PRR5: variants seen among roughly 807,000 people sequenced by gnomAD.
PRR5 encodes the protein proline rich 5, also known as proline-rich protein 5.
PRR5 carries 25 observed loss-of-function variants against 30.6 expected under a neutral mutation model. The observed-to-expected ratio is 0.82, with a 90% CI of 0.60 to 1.14. The LOEUF (loss-of-function observed/expected upper bound fraction) is 1.14. PRR5 is among the 50% of genes most tolerant of loss of function. PRR5 has a pLI of 0.00. For missense variants in PRR5, 600 were observed against 547.1 expected, an observed-to-expected ratio of 1.10 and a Z score of -0.96; for synonymous variants, 286 against 247.1, an observed-to-expected ratio of 1.16 and a Z score of -1.48.
At chr22:44,678,324 C>CTT (rs113676116) in intron 1 of PRR5, among the ~76,000 whole-genome samples, 71 of 130,638 alleles carry the variant, frequency 5.4e-4, no homozygotes, top group East Asian at 1.9e-3. Flanking sequence ...TCTGCTGGCT[C>CTT]TTTTTTTTTT....
intron 1 of PRR5, among the ~76,000 whole-genome samples, chr22:44,694,956 A>G (rs1409343432): frequency 3.9e-5 from 6 of 152,118 alleles, no homozygotes; most frequent in Admixed American, 3.9e-4. Context: ...TGATCACTTG[A>G]GGTCCGGAGT....
At chr22:44,727,444 A>AC (rs898750527) in intron 4 of PRR5, among the ~76,000 whole-genome samples, 2 of 152,154 alleles carry the variant, frequency 1.3e-5, no homozygotes, top group Admixed American at 1.3e-4. Context: ...TGCACTAGGC[A>AC]CCGGGTGTGT....
chr22:44,708,013 G>T (rs1479522140), intron 1 of PRR5, among the ~76,000 whole-genome samples: 1 of 152,082 alleles, frequency 6.6e-6, no homozygotes, highest in Non-Finnish European at 1.5e-5. Context: ...CACCTCCAAG[G>T]CTAGGGTGAC....
At chr22:44,698,529 A>G (rs940740260), upstream of PRR5, among the ~76,000 whole-genome samples, 1 of 151,460 alleles carries the variant, frequency 6.6e-6, no homozygotes, top group African/African-American at 2.4e-5. Flanking sequence ...TGCCCAGGGT[A>G]CCCCGCCACA....
intron 2 of PRR5, among the ~76,000 whole-genome samples, chr22:44,715,517 C>T (rs975824893): frequency 1.3e-5 from 2 of 152,266 alleles, no homozygotes; most frequent in East Asian, 1.9e-4. Flanking sequence ...CAATACATGC[C>T]GCTTGTTCAG....
At position 44,723,059 on chromosome 22, in the gene PRR5, C is replaced by T. The variant is rs572676652; in HGVS notation, c.216-2185C>T. On this transcript the variant is annotated intron_variant, in intron 2 of 7. Transcript: ENST00000336985. Reference sequence around the variant, plus strand: ...GGAGTGCAGTGGTGCGATCTCAGCCCGCTGCAACCTCCGCCTCCCGAGTTC... The same window carrying T: ...GGAGTGCAGTGGTGCGATCTCAGCCTGCTGCAACCTCCGCCTCCCGAGTTC... Among the ~76,000 whole-genome samples, 8 of 151,884 alleles carry T rather than the reference C, an allele frequency of 5.3e-5. No individual in the cohort carries two copies. In the East Asian group the frequency reaches 9.7e-4, roughly 18 times the overall value.
chr22:44,700,781 T>C (rs1460630493), upstream of PRR5, among the ~76,000 whole-genome samples: 9 of 152,184 alleles, frequency 5.9e-5, no homozygotes, highest in South Asian at 2.1e-4. Flanking sequence ...AAGACGATGG[T>C]ATTTATGTCT....
intron 1 of PRR5, among the ~76,000 whole-genome samples, chr22:44,703,703 A>G (rs772750095): frequency 6.6e-6 from 1 of 152,086 alleles, no homozygotes; most frequent in Non-Finnish European, 1.5e-5. Context: ...CCCTGACCCA[A>G]CGACTGCACA....
intron 1 of PRR5, among the ~76,000 whole-genome samples, chr22:44,694,541 C>CA (rs1443624548): frequency 6.6e-6 from 1 of 152,048 alleles, no homozygotes; most frequent in Non-Finnish European, 1.5e-5. Context: ...CATGCACGGA[C>CA]ACTCTGTTCT....
chr22:44,723,779 G>A (rs9306484), intron 2 of PRR5, among the ~76,000 whole-genome samples: 44,213 of 152,084 alleles, frequency 0.29, 7,118 homozygotes, highest in South Asian at 0.42. Flanking sequence ...GTGTTTGCCC[G>A]TTCAGAACAT....
At chr22:44,703,930 A>G (rs566714823) in intron 1 of PRR5, among the ~76,000 whole-genome samples, 1 of 152,330 alleles carries the variant, frequency 6.6e-6, no homozygotes, top group African/African-American at 2.4e-5. Flanking sequence ...GATGAAAGCC[A>G]TCTCTCTGTC....
intron 1 of PRR5, among the ~76,000 whole-genome samples, chr22:44,689,404 T>C (rs1005518): frequency 0.2 from 30,792 of 152,160 alleles, 3,536 homozygotes; most frequent in South Asian, 0.4. Flanking sequence ...GAAATTCCTA[T>C]GGGATGACCC....
At chr22:44,715,101 A>G (rs546774082) in intron 2 of PRR5, among the ~76,000 whole-genome samples, 481 of 152,312 alleles carry the variant, frequency 3.2e-3, no homozygotes, top group African/African-American at 0.011. Context: ...AGCCCTGCCA[A>G]ACACCCCTCG....
rs185356081 is a variant in PRR5, at chr22:44,730,772, C to T, written c.323-958C>T. 1.6e-3 allele frequency: 1,192 copies of T among 729,116 alleles called. 11 individuals carry two copies. In the African/African-American group the frequency reaches 0.021, roughly 13 times the overall value. 45.2% of individuals were successfully genotyped at this position (729,116 alleles called of 1,614,324 possible). A position where few individuals can be genotyped will look rare whatever the true frequency, so the allele number is the denominator to read the frequency against. On this transcript the variant is annotated intron_variant, in intron 4 of 7. Transcript: ENST00000336985. ...GCTATTGGAAGGGGTCTCCGTGGAT[C>T]CCCAGACCTGACCACAGGCAGAGCT...
At chr22:44,701,276 G>A (rs2146998632), upstream of PRR5, among the ~76,000 whole-genome samples, 1 of 152,332 alleles carries the variant, frequency 6.6e-6, no homozygotes, top group East Asian at 1.9e-4. Flanking sequence ...AATCCCAGAA[G>A]CTGGGGACTG....
intron 1 of PRR5, among the ~76,000 whole-genome samples, chr22:44,695,755 T>C (rs1425341237): frequency 6.6e-6 from 1 of 151,148 alleles, no homozygotes; most frequent in Non-Finnish European, 1.5e-5. Flanking sequence ...CACACCAACA[T>C]GCCCAGCTAA....
intron 1 of PRR5, among the ~76,000 whole-genome samples, chr22:44,678,160 C>G (rs1226064094): frequency 6.6e-6 from 1 of 152,094 alleles, no homozygotes; most frequent in Non-Finnish European, 1.5e-5. Context: ...TCTCCAATGC[C>G]CAGTCCTGGC....
rs374084190 is a variant in PRR5, at chr22:44,737,076, C to A, written c.996C>A (p.Gly332=). 1 of 1,611,074 alleles carries A rather than the reference C, an allele frequency of 6.2e-7. No individual in the cohort carries two copies. The highest frequency in any genetic ancestry group is 1.3e-5 in the African/African-American group (1 of 74,952). The part of the protein sequence containing the change: ...LYPTTQPPEQ[G]LDPTRSSLPR... ...CCACGACCCAGCCCCCTGAGCAGGG[C>A]TTGGATCCCACCCGCAGCTCCCTGC... The change falls in exon 8 of 8, where the codon GGC becomes GGA. Residue 332 remains glycine (G), a synonymous_variant. Coordinates refer to ENST00000336985, the MANE Select transcript of PRR5 (RefSeq NM_181333.4).
intron 1 of PRR5, among the ~76,000 whole-genome samples, chr22:44,713,888 C>CAAG (rs1928644288): frequency 6.6e-6 from 1 of 152,218 alleles, no homozygotes; most frequent in African/African-American, 2.4e-5. Flanking sequence ...ATCGCAAGCT[C>CAAG]TGCCTCCCGG....
Sources: allele counts gnomAD v4.1 joint callset (sites outside exome capture counted in the v4.1 genomes callset), GRCh38; gene constraint gnomAD v4.1.1; transcripts MANE v1.5; gene names NCBI Gene and HGNC (gene_info 2026-07-23, HGNC 2026-07-21).